The following POU2F1 variants were observed in gnomAD, a reference collection of about 807,000 sequenced individuals.
The protein encoded by POU2F1 is POU class 2 homeobox 1, also known as POU domain, class 2, transcription factor 1.
POU2F1 carries 16 observed loss-of-function variants against 84.9 expected under a neutral mutation model. The observed-to-expected ratio is 0.19, with a 90% confidence interval of 0.13 to 0.29. The LOEUF is 0.29. Among genes scored for constraint, POU2F1 ranks in the 10% least tolerant of loss-of-function variants. The pLI is 1.00. For missense variants in POU2F1, 738 were observed against 942.6 expected, an observed-to-expected ratio of 0.78 and a Z score of 2.84; for synonymous variants, 368 against 368.3, an observed-to-expected ratio of 1.00 and a Z score of 0.01.
At chr1:167,356,427 G>GT in intron 2 of POU2F1, among the ~76,000 whole-genome samples, 1 of 152,100 alleles carries the variant, frequency 6.6e-6, no homozygotes, top group East Asian at 1.9e-4. Context: ...GTTTTATTTT[G>GT]TTTTTTCCAA....
At chr1:167,344,295 G>A (rs545845188) in intron 2 of POU2F1, among the ~76,000 whole-genome samples, 7 of 152,296 alleles carry the variant, frequency 4.6e-5, no homozygotes, top group African/African-American at 1.7e-4. Context: ...AGCTCATGGA[G>A]TTAGCATTTA....
intron 13 of POU2F1, among the ~76,000 whole-genome samples, chr1:167,407,683 T>C (rs1649676809): frequency 6.6e-6 from 1 of 152,206 alleles, no homozygotes; most frequent in South Asian, 2.1e-4. Flanking sequence ...CTAGGACAAC[T>C]GGATATCCAT....
At chr1:167,343,814 C>T (rs1658023692) in intron 2 of POU2F1, among the ~76,000 whole-genome samples, 1 of 151,816 alleles carries the variant, frequency 6.6e-6, no homozygotes, top group Non-Finnish European at 1.5e-5. Flanking sequence ...GATGATGAAA[C>T]ATTTCAGCAC....
At chr1:167,250,937 TA>T (rs1418034118) in intron 1 of POU2F1, among the ~76,000 whole-genome samples, 1 of 152,248 alleles carries the variant, frequency 6.6e-6, no homozygotes, top group Non-Finnish European at 1.5e-5. Context: ...GCTGGAATTC[TA>T]AAAGCAAATT....
rs1335155599 is a variant in POU2F1, at chr1:167,424,968, C to G, written c.*9158C>G. The G allele has an allele frequency of 6.6e-6, 1 of 152,144 alleles. No individual in the cohort carries two copies. Among genetic ancestry groups the G allele is most frequent in the African/African-American group, 2.4e-5 (1 of 41,420 alleles). 9.4% of individuals were successfully genotyped at this position (152,144 alleles called of 1,614,324 possible). On this transcript the variant is annotated 3_prime_UTR_variant, in exon 16 of 16. Coordinates refer to ENST00000367866, the MANE Select transcript of POU2F1 (RefSeq NM_002697.4). ...GTAGAAGGGAAGACACCAAAGGCTCCTTTAAGCTGACTGCTGCATACACAT... is the reference window on the plus strand; with the variant it reads ...GTAGAAGGGAAGACACCAAAGGCTCGTTTAAGCTGACTGCTGCATACACAT...
At chr1:167,282,387 G>A (rs553062359) in intron 1 of POU2F1, among the ~76,000 whole-genome samples, 1 of 151,828 alleles carries the variant, frequency 6.6e-6, no homozygotes, top group Non-Finnish European at 1.5e-5. Flanking sequence ...CTCGTAATCC[G>A]CCCGCCTCGG....
rs577309184 is a variant in POU2F1 at position 167,245,976 on chromosome 1, A to G, written c.61+25018A>G. ...TTACTAAATGGACAGACAAAAAAAT[A>G]CTTTCTGAAAATCTAAGTTTATTTC... On this transcript the variant is annotated intron_variant, in intron 1 of 15. Coordinates refer to ENST00000367866, the MANE Select transcript of POU2F1 (RefSeq NM_002697.4). Among the ~76,000 whole-genome samples the G allele has an allele frequency of 3.9e-5, 6 of 152,374 alleles. No homozygotes were observed. The South Asian group carries it at 1.2e-3, about 32-fold the overall frequency.
At chr1:167,240,721 A>T (rs1445313199) in intron 1 of POU2F1, among the ~76,000 whole-genome samples, 4 of 152,182 alleles carry the variant, frequency 2.6e-5, no homozygotes, top group African/African-American at 9.7e-5. Context: ...TGTCCCAATG[A>T]AGTTCACCTT....
chr1:167,241,168 A>C (rs1490599456), intron 1 of POU2F1, among the ~76,000 whole-genome samples: 1 of 152,094 alleles, frequency 6.6e-6, no homozygotes, highest in Non-Finnish European at 1.5e-5. Context: ...ATAAATAAAT[A>C]GTCTGAAAAA....
At chr1:167,286,964 G>A (rs959959948) in intron 1 of POU2F1, among the ~76,000 whole-genome samples, 12 of 152,178 alleles carry the variant, frequency 7.9e-5, no homozygotes, top group Non-Finnish European at 8.8e-5. Flanking sequence ...TAATGCAGGC[G>A]CTGCCCTAAG....
intron 2 of POU2F1, among the ~76,000 whole-genome samples, chr1:167,361,825 A>G (rs1047913014): frequency 1.6e-4 from 25 of 152,008 alleles, no homozygotes; most frequent in Non-Finnish European, 1.0e-4. Flanking sequence ...TAAGTTTTTC[A>G]TTACTGATTT....
intron 13 of POU2F1, among the ~76,000 whole-genome samples, chr1:167,406,738 T>C (rs1044371510): frequency 6.6e-6 from 1 of 152,072 alleles, no homozygotes; most frequent in Non-Finnish European, 1.5e-5. Flanking sequence ...AGTTCAAAAA[T>C]GAAATTTAGG....
In POU2F1 at chr1:167,420,125, G is replaced by A. The variant is rs1431821129; in HGVS notation, c.*4315G>A. 6.7e-6 allele frequency: 1 copy of A among 150,168 alleles called. No individual in the cohort carries two copies. The allele number at this position is 150,168 out of a possible 1,614,324, so 9.3% of individuals were successfully genotyped here. A position where few individuals can be genotyped will look rare whatever the true frequency, so the allele number is the denominator to read the frequency against. On this transcript the variant is annotated 3_prime_UTR_variant, in exon 16 of 16. Transcript: ENST00000367866. The stretch of plus-strand genomic sequence containing the variant: ...CATTAAAAAATTTTCTTTTTAACTT[G>A]CTGGAAAAGTTGGATACATTGGCAA...
At chr1:167,344,997 G>A (rs540447172) in intron 2 of POU2F1, among the ~76,000 whole-genome samples, 17 of 152,300 alleles carry the variant, frequency 1.1e-4, no homozygotes, top group African/African-American at 4.1e-4. Context: ...TCACTCATAA[G>A]TGGGAGTTGA....
intron 4 of POU2F1, 69 bp downstream of exon 4, chr1:167,370,283 A>G: frequency 1.6e-6 from 2 of 1,283,040 alleles, no homozygotes; most frequent in Non-Finnish European, 2.2e-6. Flanking sequence ...TGTAGTGAGC[A>G]TATATTTTAT....
intron 1 of POU2F1, among the ~76,000 whole-genome samples, chr1:167,286,412 TAG>T (rs1653531373): frequency 6.6e-6 from 1 of 152,206 alleles, no homozygotes; most frequent in African/African-American, 2.4e-5. Context: ...CTCTCCTGTT[TAG>T]AGCATTCATC....
chr1:167,362,509 A>C (rs1013468409), intron 2 of POU2F1, among the ~76,000 whole-genome samples: 1 of 152,216 alleles, frequency 6.6e-6, no homozygotes, highest in Non-Finnish European at 1.5e-5. Flanking sequence ...TGGAAGGTTT[A>C]GGCCACTACC....
chr1:167,405,077 C>G (rs1649477114), intron 13 of POU2F1, among the ~76,000 whole-genome samples: 1 of 152,128 alleles, frequency 6.6e-6, no homozygotes, highest in Admixed American at 6.5e-5. Flanking sequence ...AAAATAGATG[C>G]AAGTGAGCAT....
intron 5 of POU2F1, among the ~76,000 whole-genome samples, chr1:167,373,056 T>A (rs1029939863): frequency 6.6e-6 from 1 of 152,056 alleles, no homozygotes; most frequent in South Asian, 2.1e-4. Flanking sequence ...ATATATATTA[T>A]GTAAAAATTA....
Sources: gnomAD v4.1 joint callset for allele counts (sites outside exome capture counted in the v4.1 genomes callset) on GRCh38, gnomAD v4.1.1 for gene constraint, MANE v1.5 for transcripts, NCBI Gene and HGNC (gene_info 2026-07-23, HGNC 2026-07-21) for gene names.